Variants in WDR33 observed in about 807,000 individuals in gnomAD.
WDR33 encodes WD repeat domain 33.
A neutral mutation model predicts 164.9 loss-of-function variants in WDR33; 47 were observed. The observed-to-expected ratio is 0.29, with a 90% CI of 0.23 to 0.36. The LOEUF is 0.36. Ranked by LOEUF, WDR33 falls within the 10% of genes least tolerant of loss-of-function variation. WDR33 has a pLI of 1.00. For synonymous variants in WDR33, 505 were observed against 589.0 expected (o/e 0.86, Z 2.06); for missense variants, 1,137 against 1,754.1 (o/e 0.65, Z 6.28).
intron 1 of WDR33, among the ~76,000 whole-genome samples, chr2:127,794,427 G>A (rs1047137735): frequency 2.0e-5 from 3 of 151,702 alleles, no homozygotes; most frequent in Admixed American, 1.3e-4. Context: ...TTGAACTTGG[G>A]GGGGCAGAGG....
Position 127,706,545 on chromosome 2 carries a change from C to T in WDR33, c.3789G>A (p.Gly1263=), listed in dbSNP as rs541597107. ...GCACTCTCTGAGCAGGTCCTGGGCCCCCTCGGCCTGAAACAAAGAAAATTT... is the reference window on the plus strand; with the variant it reads ...GCACTCTCTGAGCAGGTCCTGGGCCTCCTCGGCCTGAAACAAAGAAAATTT... The part of the protein sequence containing the change: ...PSEDRGGKGR[G]GPGPAQRVPK... Residue 1263 remains glycine (G), a synonymous_variant, in exon 22 of 22, where the codon GGG becomes GGA. Coordinates refer to ENST00000322313, the MANE Select transcript of WDR33 (RefSeq NM_018383.5). The surrounding 1 kb of genome is among the most constrained non-coding windows in gnomAD (Gnocchi z 5.1). The T allele has an allele frequency of 3.1e-6, 5 of 1,590,834 alleles. No homozygotes were observed. The African/African-American group carries it at 6.8e-5, about 22-fold the overall frequency.
intron 7 of WDR33, among the ~76,000 whole-genome samples, chr2:127,755,609 C>T (rs1029622981): frequency 2.6e-5 from 4 of 152,184 alleles, no homozygotes; most frequent in African/African-American, 7.2e-5. Context: ...TGCATGTGTG[C>T]GTACCTGTGG....
intron 1 of WDR33, among the ~76,000 whole-genome samples, chr2:127,789,413 T>G (rs1172868062): frequency 1.7e-5 from 2 of 114,978 alleles, no homozygotes; most frequent in African/African-American, 6.7e-5. Context: ...TGGGCACCAT[T>G]GAGCACTGAG....
At chr2:127,715,211 C>G (rs1469013784) in intron 17 of WDR33, among the ~76,000 whole-genome samples, 1 of 151,244 alleles carries the variant, frequency 6.6e-6, no homozygotes. Context: ...CCTGCTTCAG[C>G]CTCCTGAGTA....
intron 7 of WDR33, among the ~76,000 whole-genome samples, chr2:127,756,487 G>A (rs1041496673): frequency 2.0e-5 from 3 of 151,340 alleles, no homozygotes; most frequent in East Asian, 1.9e-4. Flanking sequence ...TCTACTCACC[G>A]AAAATGAAAA....
In WDR33 at chr2:127,706,479, G is replaced by T; in HGVS notation, c.3855C>A (p.His1285Gln). 1 of 1,613,476 alleles carries T rather than the reference G, an allele frequency of 6.2e-7. No homozygotes were observed. Among genetic ancestry groups the T allele is most frequent in the Non-Finnish European group, 8.5e-7 (1 of 1,179,746 alleles). ...GRSSSLDGEH[H>Q]DGYHRDEPFG... is the part of the protein sequence containing the mutation. Reference sequence around the variant, plus strand: ...AAGGTTCATCTCTGTGGTATCCATCGTGGTGCTCTCCGTCTAAGGAGCTGG... The same window carrying T: ...AAGGTTCATCTCTGTGGTATCCATCTTGGTGCTCTCCGTCTAAGGAGCTGG... The change falls in exon 22 of 22, where the codon CAC becomes CAA. Residue 1285 changes from histidine to glutamine, a missense_variant. His to Gln is a conservative substitution (Grantham distance 24). This residue lies in a region of WDR33 where 867 missense variants were observed against 1,073.0 expected (regional missense o/e 0.81). Coordinates refer to ENST00000322313, the MANE Select transcript of WDR33 (RefSeq NM_018383.5). This position sits in a 1 kb window ranked among gnomAD's most constrained non-coding sequence, Gnocchi z 5.1.
At position 127,771,012 on chromosome 2, in the gene WDR33, A is replaced by G. The variant is rs773501801; in HGVS notation, c.-23-8T>C. The G allele has an allele frequency of 1.6e-5, 26 of 1,605,058 alleles. No individual in the cohort carries two copies. The African/African-American group carries it at 2.8e-4, about 17-fold the overall frequency. The stretch of plus-strand genomic sequence containing the variant: ...TGTTTTCCTTCTAGGATACTAGGAT[A>G]AGGAAAAAGTACTTTCACTACAAAT... On this transcript the variant is annotated splice_polypyrimidine_tract_variant and splice_region_variant and intron_variant, in intron 1 of 21. Coordinates refer to ENST00000322313, the MANE Select transcript of WDR33 (RefSeq NM_018383.5).
At position 127,736,110 on chromosome 2, in the gene WDR33, C is replaced by G. The variant is rs765686006; in HGVS notation, c.725-9333G>C. The G allele has an allele frequency of 7.1e-5, 70 of 985,212 alleles. 1 individual carries two copies. Among genetic ancestry groups the G allele is most frequent in the Non-Finnish European group, 8.3e-5 (69 of 829,918 alleles). 61.0% of individuals were successfully genotyped at this position (985,212 alleles called of 1,614,324 possible). On this transcript the variant is annotated intron_variant, in intron 7 of 21. Coordinates refer to ENST00000322313, the MANE Select transcript of WDR33 (RefSeq NM_018383.5). ...TTTCCCAGTCTGAGAGCCTTCAGTC[C>G]TTTCAATATGTACATTATTACAAAT...
chr2:127,768,142 A>G (rs1383739884), intron 4 of WDR33, 47 bp downstream of exon 4: 27 of 1,233,762 alleles, frequency 2.2e-5, no homozygotes, highest in Non-Finnish European at 2.9e-5. Context: ...CATTTGCTAT[A>G]TAACGCAGGA....
chr2:127,711,421 T>G (rs1451405268), intron 18 of WDR33, among the ~76,000 whole-genome samples: 1 of 109,254 alleles, frequency 9.2e-6, no homozygotes, highest in Admixed American at 1.0e-4. Context: ...CAAGATTCCC[T>G]CTCAAAAAAA....
chr2:127,745,168 T>C (rs575635462), intron 7 of WDR33, among the ~76,000 whole-genome samples: 4 of 152,176 alleles, frequency 2.6e-5, no homozygotes, highest in Admixed American at 2.0e-4. Flanking sequence ...TTCAGTGGCA[T>C]AGTTGTTGTA....
At chr2:127,782,158 G>A (rs1688393607) in intron 1 of WDR33, among the ~76,000 whole-genome samples, 1 of 152,094 alleles carries the variant, frequency 6.6e-6, no homozygotes, top group African/African-American at 2.4e-5. Context: ...TGTCATCCCA[G>A]CACTTCAGGA....
rs747396086 is a variant in WDR33, at chr2:127,717,291, A to T, written c.2761-28T>A. 2 of 1,523,692 alleles carry T rather than the reference A, an allele frequency of 1.3e-6. No homozygotes were observed. Among genetic ancestry groups the T allele is most frequent in the African/African-American group, 2.8e-5 (2 of 71,472 alleles). The allele number at this position is 1,523,692 out of a possible 1,614,324, so 94.4% of individuals were successfully genotyped here. A position where few individuals can be genotyped will look rare whatever the true frequency, so the allele number is the denominator to read the frequency against. On this transcript the variant is annotated intron_variant, in intron 16 of 21. Transcript: ENST00000322313. The surrounding 1 kb of genome is among the most constrained non-coding windows in gnomAD (Gnocchi z 5.6). ...GAAAATATGTTTTTAAAGTAAGGGT[A>T]TGAAATCACAGGCTTGAGCTACATA...
chr2:127,794,188 AAAGTAAGC>A (rs1320706858), intron 1 of WDR33, among the ~76,000 whole-genome samples: 361 of 29,848 alleles, frequency 0.012, no homozygotes, highest in African/African-American at 0.054. Flanking sequence ...GACAAGAAAG[AAAGTAAGC>A]AAGCAAGCAA....
At position 127,738,544 on chromosome 2, in the gene WDR33, A is replaced by C. The variant is rs916149215; in HGVS notation, c.725-11767T>G. ...GAAATAAGAGTAGCTGTTGTTGAAGAAACTTGACAAACTCTACCTCAAGCA... is the reference window on the plus strand; with the variant it reads ...GAAATAAGAGTAGCTGTTGTTGAAGCAACTTGACAAACTCTACCTCAAGCA... On this transcript the variant is annotated intron_variant, in intron 7 of 21. Transcript: ENST00000322313. This position sits in a 1 kb window ranked among gnomAD's most constrained non-coding sequence, Gnocchi z 4.4. Among the ~76,000 whole-genome samples, 1 of 152,110 alleles carries C rather than the reference A, an allele frequency of 6.6e-6. No individual in the cohort carries two copies. Among genetic ancestry groups the C allele is most frequent in the African/African-American group, 2.4e-5 (1 of 41,410 alleles).
At chr2:127,761,262 G>A (rs1342530050) in intron 7 of WDR33, among the ~76,000 whole-genome samples, 3 of 151,656 alleles carry the variant, frequency 2.0e-5, no homozygotes. Context: ...GTGCAGTGGT[G>A]CAAACTCCGC....
In WDR33 at chr2:127,716,352, T is replaced by C. The variant is rs17599477; in HGVS notation, c.2869+803A>G. 0.066 allele frequency among the ~76,000 whole-genome samples: 10,019 copies of C among 152,294 alleles called. 443 individuals are homozygous for C. The highest frequency in any genetic ancestry group is 0.16 in the Middle Eastern group (48 of 294). On this transcript the variant is annotated intron_variant, in intron 17 of 21. Coordinates refer to ENST00000322313, the MANE Select transcript of WDR33 (RefSeq NM_018383.5). This position sits in a 1 kb window ranked among gnomAD's most constrained non-coding sequence, Gnocchi z 4.5. ...AATTAAAACTAAGAGAGTAAAGTTC[T>C]GTGAAGGGCAATCTCTGCGGTCCTC...
At chr2:127,711,780 A>ATTTTTTTTTTTTTTTTTTTTTTT (rs1158780905) in intron 18 of WDR33, among the ~76,000 whole-genome samples, 8 of 88,298 alleles carry the variant, frequency 9.1e-5, no homozygotes, top group African/African-American at 5.2e-4. Flanking sequence ...ATATATATAT[A>ATTTTTTTTTTTTTTTTTTTTTTT]TTTTTTTTTT....
rs1687764874 is a variant in WDR33, at chr2:127,764,521, G to A, written c.626+307C>T. ...GAATGAAATATTCTTGTCTTACACA[G>A]TAGATAATAAAAAGGAATAACGTAT... On this transcript the variant is annotated intron_variant, in intron 6 of 21. Transcript: ENST00000322313. The surrounding 1 kb of genome is among the most constrained non-coding windows in gnomAD (Gnocchi z 6.2). 6.6e-7 allele frequency: 1 copy of A among 1,522,248 alleles called. No homozygotes were observed. Among genetic ancestry groups the A allele is most frequent in the Non-Finnish European group, 8.8e-7 (1 of 1,138,776 alleles). The allele number at this position is 1,522,248 out of a possible 1,614,324, so 94.3% of individuals were successfully genotyped here. A position where few individuals can be genotyped will look rare whatever the true frequency, so the allele number is the denominator to read the frequency against.
Sources: gnomAD v4.1 joint callset for allele counts (sites outside exome capture counted in the v4.1 genomes callset) on GRCh38, gnomAD v4.1.1 for gene constraint, gnomAD v4.1.1 regional missense constraint, Gnocchi (gnomAD v3.1) non-coding constraint, MANE v1.5 for transcripts, NCBI Gene and HGNC (gene_info 2026-07-23, HGNC 2026-07-21) for gene names.